IKZF1: variants seen among roughly 807,000 people sequenced by gnomAD.
IKZF1 encodes the protein DNA-binding protein Ikaros.
IKZF1 carries 10 observed loss-of-function variants against 51.7 expected under a neutral mutation model. The ratio of observed to expected loss-of-function variants is 0.19; its 90% CI spans 0.12 to 0.33. The LOEUF is 0.33. Among genes scored for constraint, IKZF1 ranks in the 10% least tolerant of loss-of-function variants. IKZF1 has a pLI of 1.00. For missense variants in IKZF1, 484 were observed against 707.5 expected, an observed-to-expected ratio of 0.68 and a Z score of 3.58; for synonymous variants, 280 against 282.3, an observed-to-expected ratio of 0.99 and a Z score of 0.08.
intron 4 of IKZF1, among the ~76,000 whole-genome samples, chr7:50,380,210 C>T (rs1811456500): frequency 6.6e-6 from 1 of 152,188 alleles, no homozygotes; most frequent in African/African-American, 2.4e-5. Context: ...CTCTTAACAC[C>T]CCCATGCCTT....
At chr7:50,323,320 G>A in intron 2 of IKZF1, among the ~76,000 whole-genome samples, 1 of 152,168 alleles carries the variant, frequency 6.6e-6, no homozygotes, top group South Asian at 2.1e-4. Context: ...TAGAGTGGAA[G>A]CTTCTCCACT....
In IKZF1 at chr7:50,376,380, G is replaced by A. The variant is rs773347140; in HGVS notation, c.161-153G>A. On this transcript the variant is annotated intron_variant, in intron 3 of 7. Coordinates refer to ENST00000331340, the MANE Select transcript of IKZF1 (RefSeq NM_006060.6). The surrounding 1 kb of genome is among the most constrained non-coding windows in gnomAD (Gnocchi z 4.5). ...GAAGCCCACTCAAGGCTGAATGCAC[G>A]GCGAGCTCAGGCTGCTCTCCCCTTG... is the stretch of plus-strand genomic sequence containing the variant. 9.2e-5 allele frequency among the ~76,000 whole-genome samples: 14 copies of A among 152,186 alleles called. No individual in the cohort carries two copies. The highest frequency in any genetic ancestry group is 2.0e-4 in the Admixed American group (3 of 15,284).
At chr7:50,385,305 T>C (rs1813045780) in intron 5 of IKZF1, among the ~76,000 whole-genome samples, 1 of 152,208 alleles carries the variant, frequency 6.6e-6, no homozygotes, top group Non-Finnish European at 1.5e-5. Context: ...CAAATTCAAA[T>C]GTGGCCACAC....
chr7:50,359,753 C>T (rs1804662695), intron 3 of IKZF1, among the ~76,000 whole-genome samples: 1 of 152,210 alleles, frequency 6.6e-6, no homozygotes, highest in Non-Finnish European at 1.5e-5. Flanking sequence ...CCTTGCTTTC[C>T]TCTGCAGACA....
intron 3 of IKZF1, among the ~76,000 whole-genome samples, chr7:50,336,957 G>T (rs1168317747): frequency 6.6e-6 from 1 of 152,188 alleles, no homozygotes; most frequent in Non-Finnish European, 1.5e-5. Flanking sequence ...AGGAGACAGA[G>T]TGAGTTGTGT....
intron 6 of IKZF1, among the ~76,000 whole-genome samples, chr7:50,387,882 A>G (rs1813883341): frequency 6.6e-6 from 1 of 152,232 alleles, no homozygotes; most frequent in Non-Finnish European, 1.5e-5. Flanking sequence ...AAGTTGATCA[A>G]ATAAGAACTT....
chr7:50,348,028 G>T (rs1018377229), intron 3 of IKZF1, among the ~76,000 whole-genome samples: 37 of 152,164 alleles, frequency 2.4e-4, no homozygotes, highest in Admixed American at 2.4e-3. Context: ...CCATGCAGGG[G>T]ACCAAGGGAC....
At chr7:50,306,600 C>G (rs1313282273) in intron 1 of IKZF1, among the ~76,000 whole-genome samples, 2 of 152,182 alleles carry the variant, frequency 1.3e-5, no homozygotes, top group African/African-American at 4.8e-5. Context: ...TAGGTTTGAC[C>G]CTTTCGAAGA....
At chr7:50,351,741 A>T (rs1442096428) in intron 3 of IKZF1, among the ~76,000 whole-genome samples, 2 of 152,176 alleles carry the variant, frequency 1.3e-5, no homozygotes, top group African/African-American at 4.8e-5. Flanking sequence ...TTAATCCAGC[A>T]TTTAGGGGAA....
chr7:50,373,597 C>T (rs1809368862), intron 3 of IKZF1, among the ~76,000 whole-genome samples: 1 of 152,208 alleles, frequency 6.6e-6, no homozygotes, highest in Non-Finnish European at 1.5e-5. Context: ...AAACTTGCCA[C>T]ACCAATCTTA....
Position 50,402,210 on chromosome 7 carries a change from T to C in IKZF1, c.*1583T>C, listed in dbSNP as rs2153521375. ...GCAATGAAGAATATACCATTTCAAATATTTACAGTACTTGTCTTCACCAAC... is the reference window on the plus strand; with the variant it reads ...GCAATGAAGAATATACCATTTCAAACATTTACAGTACTTGTCTTCACCAAC... On this transcript the variant is annotated 3_prime_UTR_variant, in exon 8 of 8. Coordinates refer to ENST00000331340, the MANE Select transcript of IKZF1 (RefSeq NM_006060.6). The C allele has an allele frequency of 4.3e-6, 1 of 230,622 alleles. No individual in the cohort carries two copies. The highest frequency in any genetic ancestry group is 5.6e-5 in the Admixed American group (1 of 17,706). 14.3% of individuals were successfully genotyped at this position (230,622 alleles called of 1,614,324 possible).
chr7:50,322,035 G>A (rs1375818427), intron 2 of IKZF1, among the ~76,000 whole-genome samples: 5 of 152,146 alleles, frequency 3.3e-5, no homozygotes, highest in East Asian at 1.9e-4. Flanking sequence ...AGCACTCTAC[G>A]TAATGATGAG....
intron 2 of IKZF1, among the ~76,000 whole-genome samples, chr7:50,325,040 C>G (rs1047309059): frequency 1.3e-5 from 2 of 152,002 alleles, no homozygotes; most frequent in Non-Finnish European, 2.9e-5. Flanking sequence ...GCGTGCACAC[C>G]CCACACGCCC....
intron 3 of IKZF1, among the ~76,000 whole-genome samples, chr7:50,370,373 C>T (rs1409340621): frequency 6.6e-6 from 1 of 152,198 alleles, no homozygotes; most frequent in Non-Finnish European, 1.5e-5. Context: ...GTTTAATTAT[C>T]CATGAGCACA....
intron 2 of IKZF1, among the ~76,000 whole-genome samples, chr7:50,325,617 T>C (rs1794760064): frequency 6.6e-6 from 1 of 151,900 alleles, no homozygotes. Context: ...ACTAAAAAAA[T>C]ACAAAAATTT....
Position 50,376,999 on chromosome 7 carries a change from A to G in IKZF1, c.421+206A>G, listed in dbSNP as rs1810465385. On this transcript the variant is annotated intron_variant, in intron 4 of 7. Coordinates refer to ENST00000331340, the MANE Select transcript of IKZF1 (RefSeq NM_006060.6). This position sits in a 1 kb window ranked among gnomAD's most constrained non-coding sequence, Gnocchi z 4.5. ...TGTAAAGGACTTCTCAACACGTACC[A>G]ATTCCACCCTATAAATAAAACAAGG... 3.9e-6 allele frequency: 3 copies of G among 767,876 alleles called. No individual in the cohort carries two copies. Among genetic ancestry groups the G allele is most frequent in the Non-Finnish European group, 6.1e-6 (3 of 495,188 alleles). 47.6% of individuals were successfully genotyped at this position (767,876 alleles called of 1,614,324 possible).
Position 50,363,402 on chromosome 7 carries a change from G to A in IKZF1, c.161-13131G>A, listed in dbSNP as rs559447529. ...CATCTGAAAAGAACGAGCTGGTGGA[G>A]TGGGAAGGAGACAAGTGGCAGCAGA... On this transcript the variant is annotated intron_variant, in intron 3 of 7. Transcript: ENST00000331340. Among the ~76,000 whole-genome samples, 2 of 152,308 alleles carry A rather than the reference G, an allele frequency of 1.3e-5. 1 individual carries two copies. Among genetic ancestry groups the A allele is most frequent in the South Asian group, 4.1e-4 (2 of 4,828 alleles).
At chr7:50,399,863 C>T in intron 7 of IKZF1, 55 bp from the exon 8 acceptor site, 2 of 1,552,454 alleles carry the variant, frequency 1.3e-6, no homozygotes, top group Non-Finnish European at 1.7e-6. Context: ...TGCTGCCAGA[C>T]CTGACCGGTT....
At chr7:50,395,902 T>G (rs1249453989) in intron 7 of IKZF1, among the ~76,000 whole-genome samples, 1 of 152,238 alleles carries the variant, frequency 6.6e-6, no homozygotes, top group African/African-American at 2.4e-5. Context: ...TAGATTTTGC[T>G]GATGGCATTG....
Sources: gnomAD v4.1 joint callset for allele counts (sites outside exome capture counted in the v4.1 genomes callset) on GRCh38, gnomAD v4.1.1 for gene constraint, Gnocchi (gnomAD v3.1) non-coding constraint, MANE v1.5 for transcripts, NCBI Gene and HGNC (gene_info 2026-07-23, HGNC 2026-07-21) for gene names.